Variants in DCC observed in about 807,000 individuals in gnomAD.
DCC encodes DCC netrin 1 receptor.
In DCC, 58 loss-of-function variants were observed where a neutral mutation model predicts 172.5. That is an observed-to-expected ratio of 0.34 (90% CI 0.27 to 0.42). The LOEUF (loss-of-function observed/expected upper bound fraction) is 0.42, where lower values mean the gene tolerates loss of function less well. Among genes scored for constraint, DCC ranks in the 10% least tolerant of loss-of-function variants. The pLI is 1.00. For missense variants in DCC, 1,740 were observed against 1,791.0 expected (o/e 0.97, Z 0.51); for synonymous variants, 709 against 644.5 (o/e 1.10, Z -1.52).
chr18:53,343,775 A>T (rs982198018), intron 15 of DCC, among the ~76,000 whole-genome samples: 1 of 152,040 alleles, frequency 6.6e-6, no homozygotes, highest in African/African-American at 2.4e-5. Context: ...TAATGAAATC[A>T]TCTGGACCTG....
intron 5 of DCC, among the ~76,000 whole-genome samples, chr18:52,998,224 G>T (rs1380509544): frequency 6.6e-6 from 1 of 152,052 alleles, no homozygotes; most frequent in African/African-American, 2.4e-5. Flanking sequence ...ACTGTGGAAA[G>T]TTCTATTAGC....
At chr18:53,021,216 C>T (rs2041877087) in intron 5 of DCC, among the ~76,000 whole-genome samples, 1 of 152,156 alleles carries the variant, frequency 6.6e-6, no homozygotes, top group South Asian at 2.1e-4. Flanking sequence ...GAATACCTGG[C>T]CCCGTGTTCA....
intron 1 of DCC, among the ~76,000 whole-genome samples, chr18:52,488,532 T>C (rs1263103946): frequency 6.6e-6 from 1 of 152,026 alleles, no homozygotes; most frequent in Non-Finnish European, 1.5e-5. Context: ...AGAGAGAAAA[T>C]GCATAAATGA....
chr18:53,282,330 T>C (rs62097984), intron 12 of DCC, among the ~76,000 whole-genome samples: 13,350 of 152,226 alleles, frequency 0.088, 763 homozygotes, highest in Non-Finnish European at 0.13. Flanking sequence ...CAAGAGCATC[T>C]GATAAGTAGG....
intron 12 of DCC, among the ~76,000 whole-genome samples, chr18:53,287,045 T>C (rs371405605): frequency 1.0e-3 from 156 of 152,252 alleles, no homozygotes; most frequent in Admixed American, 3.5e-3. Context: ...CCATACCATT[T>C]TCCCATTTAA....
chr18:52,857,731 A>G (rs1334235222), intron 2 of DCC, among the ~76,000 whole-genome samples: 3 of 152,202 alleles, frequency 2.0e-5, no homozygotes, highest in African/African-American at 2.4e-5. Flanking sequence ...AACCCTTCCA[A>G]TCACTGTGAT....
chr18:52,614,880 T>C (rs540081419), intron 1 of DCC, among the ~76,000 whole-genome samples: 101 of 152,194 alleles, frequency 6.6e-4, no homozygotes, highest in African/African-American at 2.2e-3. Flanking sequence ...AAAACGAACA[T>C]TGGGGCATGT....
chr18:52,379,036 T>A (rs965031993), intron 1 of DCC, among the ~76,000 whole-genome samples: 1 of 152,146 alleles, frequency 6.6e-6, no homozygotes, highest in Non-Finnish European at 1.5e-5. Context: ...GAAAAATGAA[T>A]GAAATTGCTT....
At chr18:52,907,628 C>T (rs1198821865) in intron 3 of DCC, among the ~76,000 whole-genome samples, 2 of 152,080 alleles carry the variant, frequency 1.3e-5, no homozygotes, top group Non-Finnish European at 2.9e-5. Context: ...ATTGCCCAGG[C>T]TGGTCTCAAA....
intron 12 of DCC, among the ~76,000 whole-genome samples, chr18:53,263,067 G>A (rs12458771): frequency 0.043 from 6,604 of 152,232 alleles, 293 homozygotes; most frequent in Admixed American, 0.13. Flanking sequence ...TCTAGCAAAA[G>A]CAACATGAAC....
intron 5 of DCC, among the ~76,000 whole-genome samples, chr18:52,963,458 G>A (rs1291563924): frequency 6.6e-6 from 1 of 152,116 alleles, no homozygotes; most frequent in Non-Finnish European, 1.5e-5. Context: ...GTGAAGCAAA[G>A]ACCTGCAAAT....
intron 21 of DCC, among the ~76,000 whole-genome samples, chr18:53,428,280 AAT>A (rs1911193447): frequency 1.3e-5 from 1 of 79,124 alleles, no homozygotes; most frequent in Admixed American, 2.2e-4. Context: ...GAATATAATA[AAT>A]TATATAGAAT....
chr18:52,360,740 G>A (rs1984583807), intron 1 of DCC, among the ~76,000 whole-genome samples: 1 of 152,184 alleles, frequency 6.6e-6, no homozygotes, highest in South Asian at 2.1e-4. Flanking sequence ...AACTTGTTTT[G>A]AAAACACTGA....
intron 1 of DCC, among the ~76,000 whole-genome samples, chr18:52,662,377 G>T (rs1416195779): frequency 6.6e-6 from 1 of 152,050 alleles, no homozygotes; most frequent in African/African-American, 2.4e-5. Flanking sequence ...TGAATTTCTG[G>T]AATGAAAGGA....
At chr18:53,095,283 A>T (rs2043070128) in intron 7 of DCC, among the ~76,000 whole-genome samples, 1 of 152,162 alleles carries the variant, frequency 6.6e-6, no homozygotes, top group Non-Finnish European at 1.5e-5. Context: ...TGTAGAGATG[A>T]CTGTTCACCA....
chr18:53,173,255 C>T (rs527319336), intron 8 of DCC, among the ~76,000 whole-genome samples: 1 of 152,164 alleles, frequency 6.6e-6, no homozygotes, highest in East Asian at 1.9e-4. Flanking sequence ...TCATCCAGAC[C>T]CCTACTCTCC....
intron 1 of DCC, among the ~76,000 whole-genome samples, chr18:52,483,977 T>C (rs986750841): frequency 6.6e-6 from 1 of 152,172 alleles, no homozygotes; most frequent in African/African-American, 2.4e-5. Context: ...ATGTTTTTAA[T>C]ATCTAAGAGC....
At chr18:53,465,821 G>T (rs1159186800) in intron 24 of DCC, among the ~76,000 whole-genome samples, 1 of 151,882 alleles carries the variant, frequency 6.6e-6, no homozygotes. Flanking sequence ...CTGGAGTGTA[G>T]TGGCACAACC....
intron 1 of DCC, among the ~76,000 whole-genome samples, chr18:52,614,953 A>T (rs1738778967): frequency 6.6e-6 from 1 of 152,050 alleles, no homozygotes; most frequent in Non-Finnish European, 1.5e-5. Flanking sequence ...CCCCCTTTTC[A>T]CTCCGTTTTT....
Sources: allele counts gnomAD v4.1 joint callset (sites outside exome capture counted in the v4.1 genomes callset), GRCh38; gene constraint gnomAD v4.1.1; transcripts MANE v1.5; gene names NCBI Gene and HGNC (gene_info 2026-07-23, HGNC 2026-07-21).